The following SPHKAP variants were observed in gnomAD, a reference collection of about 807,000 sequenced individuals.
SPHKAP encodes SPHK1 interactor, AKAP domain containing, also known as A-kinase anchor protein SPHKAP.
A neutral mutation model predicts 137.5 loss-of-function variants in SPHKAP; 67 were observed. That is an observed-to-expected ratio of 0.49 (90% CI 0.40 to 0.60). The LOEUF (loss-of-function observed/expected upper bound fraction) is 0.60. SPHKAP is among the 20% of genes least tolerant of loss of function. SPHKAP has a pLI of 0.00. For missense variants in SPHKAP, 2,097 were observed against 2,069.3 expected (o/e 1.01, Z -0.26); for synonymous variants, 813 against 785.3 (o/e 1.04, Z -0.59).
rs1698335402 is a variant in SPHKAP at position 228,106,041 on chromosome 2, A to T, written c.246+2791T>A. 1.3e-5 allele frequency among the ~76,000 whole-genome samples: 2 copies of T among 152,134 alleles called. 1 individual carries two copies. Among genetic ancestry groups the T allele is most frequent in the South Asian group, 4.1e-4 (2 of 4,836 alleles). On this transcript the variant is annotated intron_variant, in intron 3 of 11. Coordinates refer to ENST00000392056, the MANE Select transcript of SPHKAP (RefSeq NM_001142644.2). ...TTCTAGCTGCTCCAAACTGCTCTTC[A>T]CTAAGACTTCTTATATTAACCGTGA...
chr2:227,995,208 G>A (rs1377699885), intron 8 of SPHKAP, among the ~76,000 whole-genome samples: 5 of 152,188 alleles, frequency 3.3e-5, no homozygotes, highest in Non-Finnish European at 7.3e-5. Context: ...AGGTGTAAAA[G>A]CAGCTCACCA....
In SPHKAP at chr2:228,017,428, T is replaced by G; in HGVS notation, c.3426A>C (p.Arg1142Ser). The G allele has an allele frequency of 6.2e-7, 1 of 1,613,954 alleles. No individual in the cohort carries two copies. The change falls in exon 7 of 12, where the codon AGA becomes AGC. Residue 1142 changes from arginine to serine, a missense_variant. Arg to Ser is a moderately radical substitution (Grantham distance 110). Transcript: ENST00000392056. ...FMVNQMENEG[R>S]GFELLLDYYA... ...AGTAATCCAGCAGTAACTCAAATCCTCTCCCTTCATTTTCCATCTGGTTCA... is the reference window on the plus strand; with the variant it reads ...AGTAATCCAGCAGTAACTCAAATCCGCTCCCTTCATTTTCCATCTGGTTCA...
chr2:228,123,792 A>G (rs1444819494), intron 2 of SPHKAP, among the ~76,000 whole-genome samples: 2 of 152,086 alleles, frequency 1.3e-5, no homozygotes, highest in African/African-American at 4.8e-5. Context: ...TGTGTTTTAG[A>G]TATGAAGTCC....
chr2:228,001,248 TAC>T (rs201404615), intron 7 of SPHKAP, among the ~76,000 whole-genome samples: 54 of 114,682 alleles, frequency 4.7e-4, no homozygotes, highest in African/African-American at 8.2e-4. Context: ...TATATATATA[TAC>T]ACACACACAC....
intron 2 of SPHKAP, among the ~76,000 whole-genome samples, chr2:228,123,982 A>G (rs1198860913): frequency 3.3e-5 from 5 of 152,114 alleles, no homozygotes; most frequent in African/African-American, 4.8e-5. Flanking sequence ...CACATGAAAA[A>G]ATGCTCATCA....
intron 7 of SPHKAP, among the ~76,000 whole-genome samples, chr2:227,997,283 T>G (rs560107013): frequency 6.6e-6 from 1 of 152,174 alleles, no homozygotes; most frequent in Non-Finnish European, 1.5e-5. Context: ...ATTTCTTGCC[T>G]CCCAGCCTTT....
intron 1 of SPHKAP, among the ~76,000 whole-genome samples, chr2:228,143,534 C>T (rs188333038): frequency 1.1e-4 from 17 of 151,838 alleles, no homozygotes; most frequent in East Asian, 1.9e-4. Flanking sequence ...CTCACTCTGT[C>T]GCCCAGGCTG....
intron 2 of SPHKAP, among the ~76,000 whole-genome samples, chr2:228,127,788 G>A (rs79175496): frequency 3.3e-5 from 5 of 152,096 alleles, no homozygotes; most frequent in Non-Finnish European, 5.9e-5. Flanking sequence ...GGATTCAGTC[G>A]CAGACCCCCA....
Position 228,132,062 on chromosome 2 carries a change from T to C in SPHKAP, c.56A>G (p.Tyr19Cys). The change falls in exon 2 of 12, where the codon TAT (tyrosine) becomes TGT (cysteine). Residue 19 changes from tyrosine (Y) to cysteine (C), a missense_variant. Transcript: ENST00000392056. ...VPSNLESSRM[Y>C]DVLEPQQGRG... ...GCCCTGCTGCGGTTCCAAAACGTCA[T>C]ACATCCGTGATGACTCCAAGTTGCT... The C allele has an allele frequency of 6.2e-7, 1 of 1,613,962 alleles. No homozygotes were observed. The highest frequency in any genetic ancestry group is 8.5e-7 in the Non-Finnish European group (1 of 1,179,960).
chr2:228,109,068 G>A (rs953340150), intron 2 of SPHKAP, 129 bp from the exon 3 acceptor site: 5 of 606,106 alleles, frequency 8.2e-6, no homozygotes, highest in Non-Finnish European at 1.3e-5. Context: ...GCTTCTGGGT[G>A]TTAGAAAAAA....
rs149504305 is a variant in SPHKAP, at chr2:228,050,188, T to C, written c.247-22645A>G. On this transcript the variant is annotated intron_variant, in intron 3 of 11. Transcript: ENST00000392056. ...TAGCTATTATTAAAAGGCCAAAAAA[T>C]AGCAGATGTCAGGGCTTGAAGGAAA... Among the ~76,000 whole-genome samples, 447 of 152,184 alleles carry C rather than the reference T, an allele frequency of 2.9e-3. 1 individual carries two copies. The highest frequency in any genetic ancestry group is 0.01 in the African/African-American group (418 of 41,542).
chr2:227,995,890 C>T (rs1288568642), intron 7 of SPHKAP, 196 bp from the exon 8 acceptor site: 1 of 965,492 alleles, frequency 1.0e-6, no homozygotes, highest in Non-Finnish European at 1.2e-6. Flanking sequence ...GCCAGCTTTT[C>T]CATCTCTTCT....
chr2:228,057,341 G>T (rs1332073102), intron 3 of SPHKAP, among the ~76,000 whole-genome samples: 1 of 152,170 alleles, frequency 6.6e-6, no homozygotes, highest in Non-Finnish European at 1.5e-5. Context: ...ATATTCAAAT[G>T]TGAAGCAAAA....
chr2:228,005,896 T>G (rs1291818838), intron 7 of SPHKAP, among the ~76,000 whole-genome samples: 2 of 152,154 alleles, frequency 1.3e-5, no homozygotes, highest in Non-Finnish European at 2.9e-5. Flanking sequence ...GTAGAGTTTC[T>G]GCCTAGAGAT....
intron 9 of SPHKAP, chr2:227,991,776 T>C (rs1693422431): frequency 1.6e-6 from 1 of 641,750 alleles, no homozygotes; most frequent in African/African-American, 2.0e-5. Context: ...AATAGCAACA[T>C]AGCTTTTATT....
At chr2:228,084,329 C>G (rs1290693303) in intron 3 of SPHKAP, among the ~76,000 whole-genome samples, 1 of 152,112 alleles carries the variant, frequency 6.6e-6, no homozygotes, top group Non-Finnish European at 1.5e-5. Flanking sequence ...GTTATATCAA[C>G]AGTAGAACAT....
At chr2:228,085,301 A>G (rs1574835469) in intron 3 of SPHKAP, among the ~76,000 whole-genome samples, 1 of 152,206 alleles carries the variant, frequency 6.6e-6, no homozygotes, top group Non-Finnish European at 1.5e-5. Flanking sequence ...ACTTATCGTT[A>G]TTAGACAAGA....
intron 7 of SPHKAP, among the ~76,000 whole-genome samples, chr2:228,001,481 ATATACGTATATATAAGTATATATACG>A (rs1693887041): frequency 6.9e-6 from 1 of 144,286 alleles, no homozygotes; most frequent in Non-Finnish European, 1.5e-5. Context: ...ATAAAAATAT[ATATACGTATATATAAGTATATATACG>A]TATATATAAG....
intron 1 of SPHKAP, among the ~76,000 whole-genome samples, chr2:228,170,589 T>C (rs1700555407): frequency 1.3e-5 from 2 of 152,138 alleles, no homozygotes. Flanking sequence ...CAAAAGATCA[T>C]AACTCTCTGA....
Sources: gnomAD v4.1 joint callset for allele counts (sites outside exome capture counted in the v4.1 genomes callset) on GRCh38, gnomAD v4.1.1 for gene constraint, MANE v1.5 for transcripts, NCBI Gene and HGNC (gene_info 2026-07-23, HGNC 2026-07-21) for gene names.